The following MYH3 variants were observed in gnomAD, a reference collection of about 807,000 sequenced individuals.
The protein encoded by MYH3 is myosin-3.
In MYH3, 130 loss-of-function variants were observed where a neutral mutation model predicts 238.0. The observed-to-expected ratio is 0.55, with a 90% CI of 0.47 to 0.63. MYH3 has a LOEUF of 0.63. Ranked by LOEUF, MYH3 falls within the 30% of genes least tolerant of loss-of-function variation. The pLI is 0.00. For missense variants in MYH3, 1,853 were observed against 2,374.9 expected (o/e 0.78, Z 4.57); for synonymous variants, 880 against 924.1 (o/e 0.95, Z 0.86).
the MYH3 span, chr17:10,676,787 T>C: frequency 2.0e-5 from 3 of 152,218 alleles, no homozygotes; most frequent in African/African-American, 7.2e-5. Context: ...TCAACTTTTC[T>C]GTATGCCAAA....
At chr17:10,631,258 G>A (rs1336610597) in intron 36 of MYH3, among the ~76,000 whole-genome samples, 2 of 152,214 alleles carry the variant, frequency 1.3e-5, no homozygotes, top group Non-Finnish European at 2.9e-5. Context: ...CGCCATTAGC[G>A]CGGTGGGCCG....
the MYH3 span, among the ~76,000 whole-genome samples, chr17:10,669,862 G>A: frequency 2.0e-5 from 3 of 152,148 alleles, no homozygotes; most frequent in African/African-American, 7.2e-5. Context: ...AGTGAGCCAC[G>A]ACTGCACCAC....
chr17:10,637,480 C>G (rs906269536), intron 28 of MYH3, among the ~76,000 whole-genome samples: 2 of 152,146 alleles, frequency 1.3e-5, no homozygotes, highest in Non-Finnish European at 2.9e-5. Flanking sequence ...GGCCCTGGCT[C>G]TTAGTTTCTA....
chr17:10,664,062 T>TA, the MYH3 span, among the ~76,000 whole-genome samples: 23,085 of 62,456 alleles, frequency 0.37, 3,994 homozygotes, highest in East Asian at 0.61. Flanking sequence ...GACTCCGTCT[T>TA]AAAAAAAAAA....
intron 17 of MYH3, 83 bp from the exon 18 acceptor site, chr17:10,641,455 A>G: frequency 3.9e-6 from 4 of 1,019,754 alleles, no homozygotes; most frequent in Non-Finnish European, 6.1e-6. Context: ...AATAAGATCT[A>G]TGTTTAAAAT....
chr17:10,637,927 C>T lies in MYH3; in HGVS notation c.3738G>A (p.Leu1246=). 2 of 1,614,126 alleles carry T rather than the reference C, an allele frequency of 1.2e-6. No homozygotes were observed. The highest frequency in any genetic ancestry group is 1.7e-6 in the Non-Finnish European group (2 of 1,180,024). The change falls in exon 28 of 41, where the codon CTG becomes CTA. Residue 1246 remains leucine, a synonymous_variant. Transcript: ENST00000583535. Reference sequence around the variant, plus strand: ...CCTCCAGGGTTCGGCAGATTTTTTCCAGATTTGCCTGAAGGATTCAGAAAG... The same window carrying T: ...CCTCCAGGGTTCGGCAGATTTTTTCTAGATTTGCCTGAAGGATTCAGAAAG... The part of the protein sequence containing the change: ...MESVSKSKAN[L]EKICRTLEDQ...
chr17:10,640,286 C>T, intron 21 of MYH3, 35 bp from the exon 22 acceptor site: 1 of 1,614,212 alleles, frequency 6.2e-7, no homozygotes. Context: ...CTGAGAGAGA[C>T]TCCCCTTCCC....
intron 3 of MYH3, 43 bp from the exon 4 acceptor site, chr17:10,652,606 CGTCT>C (rs2074387958): frequency 1.4e-5 from 9 of 624,908 alleles, no homozygotes; most frequent in African/African-American, 6.3e-5. Context: ...ATGGTCTGCA[CGTCT>C]TTTTTTTTTT....
At position 10,629,597 on chromosome 17, in the gene MYH3, C is replaced by T. The variant is rs779685889; in HGVS notation, c.5796G>A (p.Arg1932=). 1 of 1,613,112 alleles carries T rather than the reference C, an allele frequency of 6.2e-7. No individual in the cohort carries two copies. The highest frequency in any genetic ancestry group is 8.5e-7 in the Non-Finnish European group (1 of 1,180,042). ...RAKTRDFTSS[R]MVVHESEE ...GGCTCCTCCCAGCTCAGCGACTCAC[C>T]CTGCTGGAGGTGAAGTCTCGAGTCT... The change falls in exon 40 of 41, where the codon AGG becomes AGA. Residue 1932 remains arginine (R), a splice_region_variant and synonymous_variant. Transcript: ENST00000583535.
At position 10,632,680 on chromosome 17, in the gene MYH3, G is replaced by A. The variant is rs189005323; in HGVS notation, c.4752C>T (p.Ile1584=). 120 of 1,614,092 alleles carry A rather than the reference G, an allele frequency of 7.4e-5. No individual in the cohort carries two copies. Among genetic ancestry groups the A allele is most frequent in the Non-Finnish European group, 9.6e-5 (113 of 1,180,018 alleles). Residue 1584 remains isoleucine, a synonymous_variant, in exon 34 of 41, where the codon ATC becomes ATT. Transcript: ENST00000583535. ...DRKIAEKDEE[I]EQLKRNYQRT... is the part of the protein sequence containing the mutation. ...TCTGGTAGTTCCTCTTCAGCTGCTC[G>A]ATCTCTTCATCCTTCTCGGCGATCT... is the stretch of plus-strand genomic sequence containing the variant.
intron 40 of MYH3, 30 bp downstream of exon 40, chr17:10,629,567 G>T (rs12940161): frequency 3.7e-6 from 6 of 1,611,392 alleles, no homozygotes; most frequent in Admixed American, 3.3e-5. Flanking sequence ...CAGTCCCTGG[G>T]GGGGGGCTCC....
Position 10,649,757 on chromosome 17 carries a change from A to C in MYH3, c.534-72T>G, listed in dbSNP as rs563141334. 24 of 1,353,282 alleles carry C rather than the reference A, an allele frequency of 1.8e-5. No individual in the cohort carries two copies. In the East Asian group the frequency reaches 1.8e-4, roughly 10 times the overall value. 83.8% of individuals were successfully genotyped at this position (1,353,282 alleles called of 1,614,324 possible). On this transcript the variant is annotated intron_variant, in intron 6 of 40. Coordinates refer to ENST00000583535, the MANE Select transcript of MYH3 (RefSeq NM_002470.4). Reference sequence around the variant, plus strand: ...ATAAACAGGCTTTTCAGGATGTCATACTGAGGCCTGGGCATGGTCTGAGCC... The same window carrying C: ...ATAAACAGGCTTTTCAGGATGTCATCCTGAGGCCTGGGCATGGTCTGAGCC...
intron 30 of MYH3, 73 bp from the exon 31 acceptor site, chr17:10,635,096 G>T (rs1416969593): frequency 1.3e-6 from 2 of 1,502,368 alleles, no homozygotes; most frequent in Non-Finnish European, 1.8e-6. Context: ...TCATCAAGTT[G>T]GAATCACTAA....
Position 10,632,701 on chromosome 17 carries a change from G to A in MYH3, c.4731C>T (p.Ile1577=), listed in dbSNP as rs2285479. ...GCTCGATCTCTTCATCCTTCTCGGC[G>A]ATCTTTCTATCAATTTCTGATTTCA... ...TQVKSEIDRK[I]AEKDEEIEQL... The change falls in exon 34 of 41, where the codon ATC becomes ATT. Residue 1577 remains isoleucine, a synonymous_variant. Transcript: ENST00000583535. The A allele has an allele frequency of 0.68, 1,089,570 of 1,613,692 alleles. 379,821 individuals are homozygous for A. Among genetic ancestry groups the A allele is most frequent in the Non-Finnish European group, 0.73 (860,531 of 1,179,846 alleles).
Position 10,629,653 on chromosome 17 carries a change from C to T in MYH3, c.5740G>A (p.Ala1914Thr), listed in dbSNP as rs1169141194. The T allele has an allele frequency of 3.7e-6, 6 of 1,614,050 alleles. No homozygotes were observed. The highest frequency in any genetic ancestry group is 2.7e-5 in the African/African-American group (2 of 74,926). Residue 1914 changes from alanine (A) to threonine (T), a missense_variant, in exon 40 of 41, where the codon GCA becomes ACA. Ala to Thr is a moderately conservative substitution (Grantham distance 58). This residue lies in a region of MYH3 where 1,044 missense variants were observed against 1,192.6 expected (regional missense o/e 0.88). Coordinates refer to ENST00000583535, the MANE Select transcript of MYH3 (RefSeq NM_002470.4). ...CGGAGCTTGTTGACTTGAGATTCTG[C>T]GATATCCGCACGTTCCTCGGCCTCC... ...LEEAEERADI[A>T]ESQVNKLRAK...
At chr17:10,632,993 C>T (rs2074180295) in intron 33 of MYH3, among the ~76,000 whole-genome samples, 1 of 152,144 alleles carries the variant, frequency 6.6e-6, no homozygotes, top group Non-Finnish European at 1.5e-5. Context: ...GGGCAGATCA[C>T]CTGAGGTCAC....
the MYH3 span, chr17:10,675,947 A>C: frequency 6.6e-6 from 1 of 152,224 alleles, no homozygotes; most frequent in Non-Finnish European, 1.5e-5. Context: ...AACGAACTGC[A>C]TCATAGCTCC....
chr17:10,669,204 A>G, the MYH3 span, among the ~76,000 whole-genome samples: 1 of 152,176 alleles, frequency 6.6e-6, no homozygotes, highest in Non-Finnish European at 1.5e-5. Context: ...TTTTCCCTAT[A>G]CAAATTAAAA....
In MYH3 at chr17:10,639,049, G is replaced by A; in HGVS notation, c.3243C>T (p.Leu1081=). 6.2e-7 allele frequency: 1 copy of A among 1,614,218 alleles called. No individual in the cohort carries two copies. The highest frequency in any genetic ancestry group is 8.5e-7 in the Non-Finnish European group (1 of 1,180,034). Residue 1081 remains leucine, a synonymous_variant, in exon 25 of 41, where the codon CTC becomes CTT. Coordinates refer to ENST00000583535, the MANE Select transcript of MYH3 (RefSeq NM_002470.4). ...ENDKQQLDER[L]KKKDFEYCQL... is the part of the protein sequence containing the mutation. ...CCAGTGGTTGAAGGGCATACTTCTT[G>A]AGCCTTTCGTCCAGCTGTTGCTTGT...
Sources: gnomAD v4.1 joint callset for allele counts (sites outside exome capture counted in the v4.1 genomes callset) on GRCh38, gnomAD v4.1.1 for gene constraint, gnomAD v4.1.1 regional missense constraint, MANE v1.5 for transcripts, NCBI Gene and HGNC (gene_info 2026-07-23, HGNC 2026-07-21) for gene names.